Variants in GBE1 observed in about 807,000 individuals in gnomAD.
GBE1 encodes the protein 1,4-alpha-glucan-branching enzyme.
Under a neutral mutation model 88.8 loss-of-function variants are expected in GBE1, and 70 were observed. The ratio of observed to expected loss-of-function variants is 0.79; its 90% CI spans 0.65 to 0.96. The LOEUF (loss-of-function observed/expected upper bound fraction) is 0.96, where lower values mean the gene tolerates loss of function less well. GBE1 is among the 40% of genes least tolerant of loss of function. The probability of loss-of-function intolerance (pLI) is 0.00; values close to 1 mark genes in which losing one functional copy is unlikely to be tolerated. For missense variants in GBE1, 872 were observed against 871.0 expected, an observed-to-expected ratio of 1.00 and a Z score of -0.01; for synonymous variants, 284 against 300.1, an observed-to-expected ratio of 0.95 and a Z score of 0.56.
intron 12 of GBE1, among the ~76,000 whole-genome samples, chr3:81,558,414 T>A (rs185915561): frequency 6.6e-6 from 1 of 152,032 alleles, no homozygotes. Context: ...TATCTATCTA[T>A]CTATCTATCT....
In GBE1 at chr3:81,577,974, A is replaced by T. The variant is rs1559650639; in HGVS notation, c.1569T>A (p.Ile523=). ...CACCAAGCCCATGCGTAATGAGTCG[A>T]ATCATTTTATGAAGCTGTATTCCAC... ...IDRGIQLHKM[I]RLITHGLGGE... is the part of the protein sequence containing the mutation. The change falls in exon 12 of 16, where the codon ATT becomes ATA. Residue 523 remains isoleucine (I), a synonymous_variant. Transcript: ENST00000429644. The T allele has an allele frequency of 6.2e-7, 1 of 1,609,200 alleles. No individual in the cohort carries two copies. Among genetic ancestry groups the T allele is most frequent in the Non-Finnish European group, 8.5e-7 (1 of 1,178,174 alleles).
rs185972683 is a variant in GBE1 at position 81,526,461 on chromosome 3, T to C, written c.1934+8734A>G. 8.1e-3 allele frequency among the ~76,000 whole-genome samples: 1,240 copies of C among 152,178 alleles called. 23 individuals carry two copies. The highest frequency in any genetic ancestry group is 0.029 in the African/African-American group (1,186 of 41,540). On this transcript the variant is annotated intron_variant, in intron 14 of 15. Coordinates refer to ENST00000429644, the MANE Select transcript of GBE1 (RefSeq NM_000158.4). ...TGTTTGCAGATGACATGATTGTATA[T>C]CTAGAAAACCCCATTGTCTCAGCCC...
intron 7 of GBE1, among the ~76,000 whole-genome samples, chr3:81,604,813 T>C (rs1235618099): frequency 6.6e-6 from 1 of 152,138 alleles, no homozygotes; most frequent in African/African-American, 2.4e-5. Flanking sequence ...GTTCAAATAA[T>C]AGATTTTCCT....
At chr3:81,578,298 T>C (rs900512155) in intron 11 of GBE1, among the ~76,000 whole-genome samples, 1 of 152,124 alleles carries the variant, frequency 6.6e-6, no homozygotes, top group African/African-American at 2.4e-5. Flanking sequence ...TCAACACATT[T>C]GTTTTCAGGA....
chr3:81,517,231 A>G (rs575825016), intron 14 of GBE1, among the ~76,000 whole-genome samples: 3 of 151,528 alleles, frequency 2.0e-5, no homozygotes, highest in African/African-American at 7.3e-5. Flanking sequence ...AGCCATTAAC[A>G]TCAAGGCAAG....
At chr3:81,683,951 A>G (rs1250878554) in intron 2 of GBE1, among the ~76,000 whole-genome samples, 1 of 152,230 alleles carries the variant, frequency 6.6e-6, no homozygotes, top group Non-Finnish European at 1.5e-5. Context: ...GAAGAGTCTT[A>G]TTATGATAGA....
intron 14 of GBE1, among the ~76,000 whole-genome samples, chr3:81,514,818 TCAGAAA>T (rs376739186): frequency 4.9e-4 from 74 of 151,698 alleles, no homozygotes; most frequent in African/African-American, 1.7e-3. Flanking sequence ...ACGGAAAATG[TCAGAAA>T]CACGAATAAT....
chr3:81,580,774 C>G (rs535050042), intron 11 of GBE1, among the ~76,000 whole-genome samples: 2 of 152,132 alleles, frequency 1.3e-5, no homozygotes, highest in Non-Finnish European at 2.9e-5. Context: ...CTGAAGAATG[C>G]TTGTCAAAAG....
At chr3:81,538,821 G>A (rs143103618) in intron 12 of GBE1, among the ~76,000 whole-genome samples, 2 of 151,966 alleles carry the variant, frequency 1.3e-5, no homozygotes, top group Admixed American at 1.3e-4. Flanking sequence ...ATGAGGTAGC[G>A]ATAGTATATT....
intron 7 of GBE1, among the ~76,000 whole-genome samples, chr3:81,626,937 C>G (rs981103186): frequency 2.0e-5 from 3 of 152,194 alleles, no homozygotes; most frequent in African/African-American, 7.2e-5. Flanking sequence ...CATTTGATCA[C>G]TGAACACCTT....
intron 15 of GBE1, among the ~76,000 whole-genome samples, chr3:81,497,406 T>G (rs771514052): frequency 1.3e-5 from 2 of 152,204 alleles, no homozygotes; most frequent in Non-Finnish European, 2.9e-5. Context: ...ATTTTACAGT[T>G]TCCAAAAAGC....
intron 2 of GBE1, among the ~76,000 whole-genome samples, chr3:81,704,016 C>T (rs890588479): frequency 1.3e-5 from 2 of 151,930 alleles, no homozygotes; most frequent in Non-Finnish European, 2.9e-5. Flanking sequence ...CGAAGGATTA[C>T]TGTATTTGCA....
At chr3:81,499,023 T>C (rs951322749) in intron 15 of GBE1, 87 bp downstream of exon 15, 1 of 765,994 alleles carries the variant, frequency 1.3e-6, no homozygotes, top group Non-Finnish European at 2.2e-6. Flanking sequence ...TGTTGCTTAT[T>C]TGAAGAGTTG....
intron 2 of GBE1, among the ~76,000 whole-genome samples, chr3:81,672,901 C>G (rs1176558087): frequency 1.3e-5 from 2 of 151,876 alleles, no homozygotes; most frequent in African/African-American, 4.8e-5. Context: ...TTTCACTCTT[C>G]TCTCTCAGCC....
chr3:81,674,371 ATTGGAT>A (rs1298388813), intron 2 of GBE1, among the ~76,000 whole-genome samples: 9 of 151,958 alleles, frequency 5.9e-5, no homozygotes, highest in Non-Finnish European at 1.2e-4. Context: ...CAGGAAAATC[ATTGGAT>A]TTGGATCTGT....
chr3:81,642,981 T>A lies in GBE1; in HGVS notation c.792A>T (p.Gly264=). The change falls in exon 7 of 16, where the codon GGA becomes GGT. Residue 264 remains glycine (G), a synonymous_variant. Transcript: ENST00000429644. ...TSFFAASSRY[G]TPEELQELVD... ...CCAGTTCTTGTAGCTCTTCAGGTGTTCCATAACGGCTAACAATGAAGAACA... is the reference window on the plus strand; with the variant it reads ...CCAGTTCTTGTAGCTCTTCAGGTGTACCATAACGGCTAACAATGAAGAACA... The A allele has an allele frequency of 8.1e-6, 13 of 1,606,762 alleles. No homozygotes were observed. The highest frequency in any genetic ancestry group is 1.1e-5 in the Non-Finnish European group (13 of 1,175,374).
chr3:81,667,536 G>C (rs1705128728), intron 3 of GBE1, among the ~76,000 whole-genome samples: 1 of 152,116 alleles, frequency 6.6e-6, no homozygotes, highest in African/African-American at 2.4e-5. Context: ...TTTTCAAAGG[G>C]AATGCTTCTA....
rs577402981 is a variant in GBE1 at position 81,581,772 on chromosome 3, C to T, written c.1336-497G>A. 2.0e-4 allele frequency among the ~76,000 whole-genome samples: 30 copies of T among 152,196 alleles called. 1 individual carries two copies. In the South Asian group the frequency reaches 5.6e-3, roughly 28 times the overall value. ...TTAATTATCATCAAATAATTACCCT[C>T]TTAACAGACCACACATTTTGTGTCT... On this transcript the variant is annotated intron_variant, in intron 10 of 15. Transcript: ENST00000429644.
chr3:81,565,579 T>C (rs1356272127), intron 12 of GBE1, among the ~76,000 whole-genome samples: 6 of 152,154 alleles, frequency 3.9e-5, no homozygotes, highest in Admixed American at 1.3e-4. Flanking sequence ...AACATATTCA[T>C]TAAAGAATGT....
Sources: allele counts gnomAD v4.1 joint callset (sites outside exome capture counted in the v4.1 genomes callset), GRCh38; gene constraint gnomAD v4.1.1; transcripts MANE v1.5; gene names NCBI Gene and HGNC (gene_info 2026-07-23, HGNC 2026-07-21).